The following GBF1 variants were observed in gnomAD, a reference collection of about 807,000 sequenced individuals.
GBF1 encodes the protein golgi brefeldin A resistant guanine nucleotide exchange factor 1.
A neutral mutation model predicts 210.5 loss-of-function variants in GBF1; 114 were observed. The ratio of observed to expected loss-of-function variants is 0.54; its 90% CI spans 0.47 to 0.63. GBF1 has a LOEUF of 0.63. GBF1 is among the 30% of genes least tolerant of loss of function. The probability of loss-of-function intolerance (pLI) is 0.00; values close to 1 mark genes in which losing one functional copy is unlikely to be tolerated. For missense variants in GBF1, 1,851 were observed against 2,357.7 expected (o/e 0.79, Z 4.45); for synonymous variants, 850 against 889.2 (o/e 0.96, Z 0.78).
chr10:102,278,982 A>T (rs1007676595), intron 3 of GBF1, among the ~76,000 whole-genome samples: 1 of 152,150 alleles, frequency 6.6e-6, no homozygotes, highest in Admixed American at 6.5e-5. Flanking sequence ...ACTCCTCTTT[A>T]AACTTTCCCT....
the GBF1 span, among the ~76,000 whole-genome samples, chr10:102,232,489 C>T: frequency 6.6e-6 from 1 of 152,140 alleles, no homozygotes; most frequent in Non-Finnish European, 1.5e-5. Flanking sequence ...TCGAGACCAG[C>T]CTGGCCAACA....
intron 1 of GBF1, among the ~76,000 whole-genome samples, chr10:102,255,674 A>G (rs530053609): frequency 6.6e-6 from 1 of 152,310 alleles, no homozygotes; most frequent in African/African-American, 2.4e-5. Flanking sequence ...GGAAAGGGAA[A>G]TACCAGGAAA....
intron 3 of GBF1, 148 bp from the exon 4 acceptor site, chr10:102,343,903 G>T: frequency 1.7e-6 from 1 of 588,878 alleles, no homozygotes; most frequent in South Asian, 2.2e-5. Flanking sequence ...ATGATACAGT[G>T]TCTGGGATTT....
intron 3 of GBF1, among the ~76,000 whole-genome samples, chr10:102,288,722 G>GAAAAAAAAA (rs1348947076): frequency 7.2e-5 from 6 of 83,682 alleles, no homozygotes; most frequent in Admixed American, 1.4e-4. Flanking sequence ...CGTCTCAAAG[G>GAAAAAAAAA]AAAAAAAAAA....
chr10:102,373,872 C>T (rs1253151262), intron 29 of GBF1, among the ~76,000 whole-genome samples: 1 of 152,136 alleles, frequency 6.6e-6, no homozygotes, highest in Non-Finnish European at 1.5e-5. Context: ...AAACTGGAAT[C>T]GGCCCAGATG....
intron 1 of GBF1, among the ~76,000 whole-genome samples, chr10:102,253,947 C>G (rs113660377): frequency 6.6e-6 from 1 of 151,952 alleles, no homozygotes; most frequent in East Asian, 1.9e-4. Context: ...TTTATGTTTC[C>G]TATTCTGTGA....
intron 3 of GBF1, among the ~76,000 whole-genome samples, chr10:102,337,299 G>GA (rs57845708): frequency 4.6e-4 from 7 of 15,268 alleles, no homozygotes; most frequent in Non-Finnish European, 9.9e-4. Flanking sequence ...AATGGTGCGT[G>GA]GGGGAGCTTG....
intron 3 of GBF1, among the ~76,000 whole-genome samples, chr10:102,273,268 G>T (rs1319899650): frequency 6.6e-6 from 1 of 152,020 alleles, no homozygotes; most frequent in Non-Finnish European, 1.5e-5. Flanking sequence ...GGAGGCAGAG[G>T]TTGCAGTGAG....
Position 102,358,031 on chromosome 10 carries a change from A to G in GBF1, c.640-8A>G. On this transcript the variant is annotated splice_polypyrimidine_tract_variant and splice_region_variant and intron_variant, in intron 8 of 39. Coordinates refer to ENST00000369983, the MANE Select transcript of GBF1 (RefSeq NM_001377137.1). ...AATACCATTGCTAATGGGGTATGATATTTCCAGCTGAAAATGAGAGCCGGA... is the reference window on the plus strand; with the variant it reads ...AATACCATTGCTAATGGGGTATGATGTTTCCAGCTGAAAATGAGAGCCGGA... 1.3e-6 allele frequency: 2 copies of G among 1,581,284 alleles called. No homozygotes were observed. The highest frequency in any genetic ancestry group is 1.7e-6 in the Non-Finnish European group (2 of 1,150,010).
chr10:102,240,527 C>T (rs2070506664), upstream of GBF1, among the ~76,000 whole-genome samples: 1 of 152,264 alleles, frequency 6.6e-6, no homozygotes, highest in East Asian at 1.9e-4. Flanking sequence ...CACGCAGCAG[C>T]TGGGCAGGCG....
At chr10:102,253,151 TCCCAAAGTGC>T (rs1173435733) in intron 1 of GBF1, among the ~76,000 whole-genome samples, 2 of 152,276 alleles carry the variant, frequency 1.3e-5, no homozygotes, top group East Asian at 3.9e-4. Flanking sequence ...TGCTTTGGCC[TCCCAAAGTGC>T]TGGGATTACA....
chr10:102,284,176 G>C (rs1030755927), intron 3 of GBF1, among the ~76,000 whole-genome samples: 1 of 152,164 alleles, frequency 6.6e-6, no homozygotes, highest in Non-Finnish European at 1.5e-5. Flanking sequence ...TAGAAGGGAA[G>C]CTCATATCCT....
In GBF1 at chr10:102,363,735, A is replaced by G. The variant is rs2059745791; in HGVS notation, c.2043A>G (p.Pro681=). The G allele has an allele frequency of 6.2e-7, 1 of 1,613,292 alleles. No homozygotes were observed. Among genetic ancestry groups the G allele is most frequent in the South Asian group, 1.1e-5 (1 of 91,062 alleles). The change falls in exon 17 of 40, where the codon CCA becomes CCG. Residue 681 remains proline (P), a synonymous_variant. Coordinates refer to ENST00000369983, the MANE Select transcript of GBF1 (RefSeq NM_001377137.1). The surrounding 1 kb of genome is among the most constrained non-coding windows in gnomAD (Gnocchi z 4.2). ...SGADKKFARK[P]PRFSCLLPDP... ...CTGACAAAAAGTTTGCCCGGAAGCC[A>G]CCCCGATTTTCCTGTCTCCTGCCAG... is the stretch of plus-strand genomic sequence containing the variant.
At chr10:102,273,367 A>G (rs542378729) in intron 3 of GBF1, among the ~76,000 whole-genome samples, 1 of 152,294 alleles carries the variant, frequency 6.6e-6, no homozygotes, top group African/African-American at 2.4e-5. Context: ...TAAAAAAAAG[A>G]AATTATCAGT....
At chr10:102,362,268 G>A (rs1250178443) in intron 14 of GBF1, among the ~76,000 whole-genome samples, 2 of 151,946 alleles carry the variant, frequency 1.3e-5, no homozygotes, top group East Asian at 3.9e-4. Context: ...ATGTTAGCCA[G>A]GATGGTCTCG....
At position 102,363,099 on chromosome 10, in the gene GBF1, C is replaced by G. The variant is rs968633707; in HGVS notation, c.1877-157C>G. ...TAGAGAATCTAATGCTTGGCTGGGA[C>G]AGGGACTACTTATTTTGGCTTGGGT... On this transcript the variant is annotated intron_variant, in intron 15 of 39. Transcript: ENST00000369983. This position sits in a 1 kb window ranked among gnomAD's most constrained non-coding sequence, Gnocchi z 4.2. 6.6e-6 allele frequency among the ~76,000 whole-genome samples: 1 copy of G among 152,176 alleles called. No homozygotes were observed. Among genetic ancestry groups the G allele is most frequent in the Non-Finnish European group, 1.5e-5 (1 of 68,038 alleles).
chr10:102,296,326 T>A (rs1300131117), intron 3 of GBF1, among the ~76,000 whole-genome samples: 1 of 152,000 alleles, frequency 6.6e-6, no homozygotes, highest in Non-Finnish European at 1.5e-5. Flanking sequence ...ACCTTGACTA[T>A]TTTTTTTAGA....
intron 3 of GBF1, among the ~76,000 whole-genome samples, chr10:102,261,862 T>A (rs769809607): frequency 2.6e-5 from 4 of 152,108 alleles, no homozygotes; most frequent in African/African-American, 4.8e-5. Flanking sequence ...CCTCAGATGA[T>A]CCACTTGCCT....
chr10:102,369,345 G>A lies in GBF1; in HGVS notation c.3108G>A (p.Leu1036=), dbSNP rs1210479213. The A allele has an allele frequency of 1.9e-6, 3 of 1,613,822 alleles. No individual in the cohort carries two copies. Among genetic ancestry groups the A allele is most frequent in the East Asian group, 2.2e-5 (1 of 44,894 alleles). Residue 1036 remains leucine, a synonymous_variant, in exon 24 of 40, where the codon CTG becomes CTA. Transcript: ENST00000369983. The part of the protein sequence containing the change: ...EGWKNIMEAM[L]QLFRAQLLPK... The stretch of plus-strand genomic sequence containing the variant: ...GGAAGAATATCATGGAGGCCATGCT[G>A]CAGCTCTTCCGAGCCCAACTACTGC...
Sources: gnomAD v4.1 joint callset for allele counts (sites outside exome capture counted in the v4.1 genomes callset) on GRCh38, gnomAD v4.1.1 for gene constraint, Gnocchi (gnomAD v3.1) non-coding constraint, MANE v1.5 for transcripts, NCBI Gene and HGNC (gene_info 2026-07-23, HGNC 2026-07-21) for gene names.